The following MAP4 variants were observed in gnomAD, a reference collection of about 807,000 sequenced individuals.
The protein encoded by MAP4 is microtubule associated protein 4, also known as microtubule-associated protein 4.
MAP4 carries 76 observed loss-of-function variants against 170.2 expected under a neutral mutation model. The observed-to-expected ratio is 0.45, with a 90% CI of 0.37 to 0.54. The LOEUF (loss-of-function observed/expected upper bound fraction) is 0.54, where lower values mean the gene tolerates loss of function less well. MAP4 is among the 20% of genes least tolerant of loss of function. The pLI is 0.00. For synonymous variants in MAP4, 909 were observed against 994.5 expected (o/e 0.91, Z 1.62); for missense variants, 2,506 against 2,748.0 (o/e 0.91, Z 1.97).
intron 2 of MAP4, 116 bp downstream of exon 2, chr3:47,998,522 T>A: frequency 1.3e-6 from 1 of 770,484 alleles, no homozygotes; most frequent in Non-Finnish European, 2.2e-6. Flanking sequence ...AAACATAAAG[T>A]TACTAGCCTA....
intron 3 of MAP4, among the ~76,000 whole-genome samples, chr3:47,950,837 A>G (rs549940283): frequency 6.6e-6 from 1 of 152,290 alleles, no homozygotes; most frequent in South Asian, 2.1e-4. Context: ...TATTCACCTG[A>G]CAGTTTCGTG....
chr3:48,032,502 C>CAA (rs1223511965), intron 1 of MAP4, among the ~76,000 whole-genome samples: 1 of 119,412 alleles, frequency 8.4e-6, no homozygotes, highest in South Asian at 2.6e-4. Context: ...GACTCCGTCT[C>CAA]AAAAAAAAAA....
chr3:48,014,915 G>A (rs1290130450), intron 1 of MAP4, among the ~76,000 whole-genome samples: 1 of 152,060 alleles, frequency 6.6e-6, no homozygotes, highest in Admixed American at 6.6e-5. Context: ...TGAGTTCTTG[G>A]TTCTGGTGTG....
At chr3:47,959,758 CAA>C (rs1328400083) in intron 3 of MAP4, among the ~76,000 whole-genome samples, 33 of 66,480 alleles carry the variant, frequency 5.0e-4, no homozygotes, top group African/African-American at 6.2e-4. Context: ...GACTCCATCT[CAA>C]AAAAAAAAAA....
At chr3:47,857,315 T>A in intron 18 of MAP4, 116 bp downstream of exon 18, 1 of 798,138 alleles carries the variant, frequency 1.3e-6, no homozygotes, top group South Asian at 1.5e-5. Context: ...TGGGTAGTCT[T>A]CATGGGATGC....
At chr3:47,986,113 T>A (rs763424080) in intron 2 of MAP4, among the ~76,000 whole-genome samples, 9 of 152,186 alleles carry the variant, frequency 5.9e-5, no homozygotes, top group Non-Finnish European at 8.8e-5. Flanking sequence ...TCTTGCAGTG[T>A]GAAGTTTAAC....
chr3:48,050,605 A>T (rs886898772), intron 1 of MAP4, among the ~76,000 whole-genome samples: 3 of 109,356 alleles, frequency 2.7e-5, no homozygotes, highest in Non-Finnish European at 4.9e-5. Flanking sequence ...TCATAAACTT[A>T]AAAAAAAAAA....
At chr3:48,063,099 C>G (rs1180617758) in intron 1 of MAP4, among the ~76,000 whole-genome samples, 10 of 150,546 alleles carry the variant, frequency 6.6e-5, no homozygotes, top group Non-Finnish European at 1.5e-4. Flanking sequence ...TTCTGACAAC[C>G]GTGGTTAAAA....
chr3:48,067,459 A>C (rs770578336), intron 1 of MAP4, among the ~76,000 whole-genome samples: 12 of 152,024 alleles, frequency 7.9e-5, no homozygotes, highest in Non-Finnish European at 1.8e-4. Flanking sequence ...CTCCCAGAGT[A>C]GCTAGGACTA....
intron 3 of MAP4, among the ~76,000 whole-genome samples, chr3:47,964,836 T>C (rs1171587663): frequency 6.6e-6 from 1 of 152,222 alleles, no homozygotes; most frequent in Non-Finnish European, 1.5e-5. Context: ...TTTTTTTCCC[T>C]TTAAATATGA....
intron 4 of MAP4, among the ~76,000 whole-genome samples, chr3:47,927,520 G>C (rs1577752260): frequency 6.6e-6 from 1 of 152,094 alleles, no homozygotes; most frequent in African/African-American, 2.4e-5. Context: ...TTGTTGCCCA[G>C]GCTGGGGTGC....
intron 3 of MAP4, among the ~76,000 whole-genome samples, chr3:47,933,231 T>C (rs1278580083): frequency 3.9e-5 from 6 of 152,044 alleles, no homozygotes; most frequent in African/African-American, 1.4e-4. Flanking sequence ...AAACTGTAGG[T>C]CAGAAAAGGG....
intron 1 of MAP4, among the ~76,000 whole-genome samples, chr3:48,052,170 A>G (rs1028727790): frequency 2.0e-5 from 3 of 152,188 alleles, no homozygotes; most frequent in Non-Finnish European, 4.4e-5. Flanking sequence ...TTGTGAGTGC[A>G]GGGAAATGGA....
At chr3:48,075,535 A>G (rs1180781097) in intron 1 of MAP4, among the ~76,000 whole-genome samples, 1 of 152,054 alleles carries the variant, frequency 6.6e-6, no homozygotes, top group Non-Finnish European at 1.5e-5. Flanking sequence ...AAAAAAAAAG[A>G]AAGTCCAGAA....
At chr3:48,005,262 G>A (rs1275360768) in intron 1 of MAP4, among the ~76,000 whole-genome samples, 2 of 152,124 alleles carry the variant, frequency 1.3e-5, no homozygotes, top group East Asian at 3.9e-4. Context: ...TCGGCAGGCT[G>A]AGGCAGGAGA....
intron 4 of MAP4, 75 bp from the exon 5 acceptor site, chr3:47,921,953 CTTTT>C: frequency 1.6e-6 from 1 of 607,504 alleles, no homozygotes; most frequent in Non-Finnish European, 2.9e-6. Flanking sequence ...TTCTTTCTTT[CTTTT>C]TTTTTTTTGA....
chr3:47,892,056 G>A (rs1249953613), intron 10 of MAP4: 19 of 1,536,128 alleles, frequency 1.2e-5, no homozygotes, highest in Non-Finnish European at 1.7e-5. Flanking sequence ...ACCTTCCCCT[G>A]AACTGGAATG....
At chr3:48,012,491 T>C (rs979287004) in intron 1 of MAP4, among the ~76,000 whole-genome samples, 3 of 152,144 alleles carry the variant, frequency 2.0e-5, no homozygotes, top group Admixed American at 6.6e-5. Context: ...AAATACATAA[T>C]GACATAAGAT....
At chr3:47,968,326 T>C (rs2100076371) in intron 3 of MAP4, among the ~76,000 whole-genome samples, 1 of 152,218 alleles carries the variant, frequency 6.6e-6, no homozygotes, top group Non-Finnish European at 1.5e-5. Flanking sequence ...TACATTCTTC[T>C]TCAGGACAGA....
Sources: gnomAD v4.1 joint callset for allele counts (sites outside exome capture counted in the v4.1 genomes callset) on GRCh38, gnomAD v4.1.1 for gene constraint, MANE v1.5 for transcripts, NCBI Gene and HGNC (gene_info 2026-07-23, HGNC 2026-07-21) for gene names.